The following SNRPN variants were observed in gnomAD, a reference collection of about 807,000 sequenced individuals.
SNRPN encodes the protein small nuclear ribonucleoprotein-associated protein N.
In SNRPN, 7 loss-of-function variants were observed where a neutral mutation model predicts 25.2. That is an observed-to-expected ratio of 0.28 (90% CI 0.16 to 0.52). SNRPN has a LOEUF of 0.52. Among genes scored for constraint, SNRPN ranks in the 20% least tolerant of loss-of-function variants. The probability of loss-of-function intolerance (pLI) is 0.96; values close to 1 mark genes in which losing one functional copy is unlikely to be tolerated. For missense variants in SNRPN, 196 were observed against 322.5 expected, an observed-to-expected ratio of 0.61 and a Z score of 3.00; for synonymous variants, 124 against 110.6, an observed-to-expected ratio of 1.12 and a Z score of -0.76.
chr15:24,864,181 A>C (rs8024158), intron 1 of SNRPN, among the ~76,000 whole-genome samples: 111,896 of 143,840 alleles, frequency 0.78, 44,017 homozygotes, highest in East Asian at 0.96. Context: ...CGCCCACCAC[A>C]ACGCCCGGCT....
At chr15:24,907,479 T>A (rs1595831815) in intron 2 of SNRPN, among the ~76,000 whole-genome samples, 1 of 152,090 alleles carries the variant, frequency 6.6e-6, no homozygotes, top group Middle Eastern at 3.4e-3. Context: ...TCGCCTGTAG[T>A]CCCAGCTACT....
intron 2 of SNRPN, among the ~76,000 whole-genome samples, chr15:24,840,003 T>C (rs997537558): frequency 1.3e-5 from 2 of 152,176 alleles, no homozygotes; most frequent in Non-Finnish European, 2.9e-5. Context: ...CATCTGGCAT[T>C]CTGGCCACGA....
At chr15:24,968,319 GTTTT>G (rs997261284) in intron 3 of SNRPN, 1 of 302,150 alleles carries the variant, frequency 3.3e-6, no homozygotes, top group Non-Finnish European at 6.2e-6. Flanking sequence ...TTTCTTTTGC[GTTTT>G]TTTTAATTAT....
chr15:24,852,067 A>G, upstream of SNRPN: 1 of 152,216 alleles, frequency 6.6e-6, no homozygotes. Flanking sequence ...TGGTAAACAA[A>G]TGAAATTATC....
chr15:24,918,430 CATAATATATATGTGT>C (rs2059698042), intron 2 of SNRPN, among the ~76,000 whole-genome samples: 31 of 83,228 alleles, frequency 3.7e-4, no homozygotes, highest in Admixed American at 7.1e-4. Context: ...GTATATATAA[CATAATATATATGTGT>C]ATATATATAA....
At chr15:24,890,673 T>C (rs2057599385) in intron 2 of SNRPN, among the ~76,000 whole-genome samples, 16 of 152,050 alleles carry the variant, frequency 1.1e-4, no homozygotes, top group Admixed American at 1.0e-3. Flanking sequence ...AGCGAGACTC[T>C]GTCTCAAAAA....
At chr15:24,900,310 G>A (rs533799746) in intron 2 of SNRPN, among the ~76,000 whole-genome samples, 5 of 152,234 alleles carry the variant, frequency 3.3e-5, no homozygotes, top group Admixed American at 2.0e-4. Context: ...GTAGCTGCAG[G>A]GCTGATATTG....
chr15:24,839,569 A>G (rs1289474206), intron 2 of SNRPN, among the ~76,000 whole-genome samples: 2 of 152,110 alleles, frequency 1.3e-5, no homozygotes, highest in Non-Finnish European at 2.9e-5. Flanking sequence ...GAAATGCAGG[A>G]AGACCTGGTG....
At chr15:24,874,358 G>C (rs1221104508) in intron 1 of SNRPN, among the ~76,000 whole-genome samples, 1 of 145,016 alleles carries the variant, frequency 6.9e-6, no homozygotes, top group Non-Finnish European at 1.5e-5. Context: ...CCAAAAACGA[G>C]CCATATGTCA....
chr15:24,917,905 C>T (rs1055210033), intron 2 of SNRPN, among the ~76,000 whole-genome samples: 2 of 152,174 alleles, frequency 1.3e-5, no homozygotes, highest in Non-Finnish European at 2.9e-5. Flanking sequence ...CTGGCTTTAA[C>T]AAATGTGACC....
At chr15:24,915,762 C>A (rs1301247396) in intron 2 of SNRPN, among the ~76,000 whole-genome samples, 4 of 151,972 alleles carry the variant, frequency 2.6e-5, no homozygotes, top group Non-Finnish European at 5.9e-5. Flanking sequence ...TGTAATTTGA[C>A]TTTTAAAAAT....
chr15:24,864,001 T>TATTTATTTATG (rs2054273954), intron 1 of SNRPN, among the ~76,000 whole-genome samples: 1 of 145,360 alleles, frequency 6.9e-6, no homozygotes, highest in African/African-American at 2.5e-5. Context: ...TTTTTAAATT[T>TATTTATTTATG]TATTTATTTA....
chr15:24,896,737 T>C (rs1211988845), intron 2 of SNRPN, among the ~76,000 whole-genome samples: 2 of 151,870 alleles, frequency 1.3e-5, no homozygotes, highest in African/African-American at 4.8e-5. Flanking sequence ...TCCTAGGCCT[T>C]CCCTGATGTC....
At chr15:24,957,085 C>CT (rs535210778) in intron 1 of SNRPN, among the ~76,000 whole-genome samples, 233 of 152,118 alleles carry the variant, frequency 1.5e-3, no homozygotes, top group African/African-American at 2.4e-3. Flanking sequence ...TTGTTAACCC[C>CT]TTTTTTTTAA....
chr15:24,928,945 C>G (rs2060606728), intron 3 of SNRPN, among the ~76,000 whole-genome samples: 2 of 152,030 alleles, frequency 1.3e-5, no homozygotes, highest in Admixed American at 6.6e-5. Context: ...GATACATGAC[C>G]TCAGAACACA....
intron 3 of SNRPN, among the ~76,000 whole-genome samples, chr15:24,971,548 T>A (rs1358669313): frequency 6.6e-6 from 1 of 151,456 alleles, no homozygotes; most frequent in East Asian, 1.9e-4. Flanking sequence ...GATATATATA[T>A]AAATATAAAA....
intron 1 of SNRPN, among the ~76,000 whole-genome samples, 188 bp from the exon 2 acceptor site, chr15:24,961,923 AAGG>A (rs2074899148): frequency 3.3e-5 from 5 of 152,196 alleles, no homozygotes; most frequent in Admixed American, 2.6e-4. Context: ...GGGCTTCTAA[AAGG>A]AGAAAAAAGT....
intron 3 of SNRPN, among the ~76,000 whole-genome samples, chr15:24,939,024 A>G (rs2061399058): frequency 6.6e-6 from 1 of 152,170 alleles, no homozygotes; most frequent in African/African-American, 2.4e-5. Flanking sequence ...CAACAAAAAT[A>G]CAGAAAATAA....
intron 2 of SNRPN, among the ~76,000 whole-genome samples, chr15:24,839,954 G>A (rs1404079170): frequency 6.6e-6 from 1 of 152,214 alleles, no homozygotes; most frequent in East Asian, 1.9e-4. Context: ...GAGCTTGTGA[G>A]CCATCCAGAG....
Sources: allele counts gnomAD v4.1 joint callset (sites outside exome capture counted in the v4.1 genomes callset), GRCh38; gene constraint gnomAD v4.1.1; transcripts MANE v1.5; gene names NCBI Gene and HGNC (gene_info 2026-07-23, HGNC 2026-07-21).